The following AHNAK variants were observed in gnomAD, a reference collection of about 807,000 sequenced individuals.
The protein encoded by AHNAK is AHNAK nucleoprotein.
AHNAK carries 23 observed loss-of-function variants against 37.8 expected under a neutral mutation model. That is an observed-to-expected ratio of 0.61 (90% CI 0.44 to 0.86). The LOEUF is 0.86. Ranked by LOEUF, AHNAK falls within the 40% of genes least tolerant of loss-of-function variation. The pLI, the probability that AHNAK is intolerant of heterozygous loss-of-function variation, is 0.00. For synonymous variants in AHNAK, 2,481 were observed against 2,636.3 expected, an observed-to-expected ratio of 0.94 and a Z score of 1.80; for missense variants, 7,411 against 7,319.4, an observed-to-expected ratio of 1.01 and a Z score of -0.46.
rs770272422 is a variant in AHNAK at position 62,533,388 on chromosome 11, G to A, written c.1029C>T (p.Gly343=). The change falls in exon 5 of 5, where the codon GGC becomes GGT. Residue 343 remains glycine (G), a synonymous_variant. Coordinates refer to ENST00000378024, the MANE Select transcript of AHNAK (RefSeq NM_001620.3). Reference sequence around the variant, plus strand: ...GGGCTTGGATAGTCAAGCCTGGCTTGCCGCCCTTGTGCCCCACAGAGACTT... The same window carrying A: ...GGGCTTGGATAGTCAAGCCTGGCTTACCGCCCTTGTGCCCCACAGAGACTT... ...APEVSVGHKG[G]KPGLTIQAPQ... 6.3e-7 allele frequency: 1 copy of A among 1,593,428 alleles called. No individual in the cohort carries two copies.
chr11:62,534,180 T>C, intron 4 of AHNAK, 106 bp from the exon 5 acceptor site: 2 of 1,272,112 alleles, frequency 1.6e-6, no homozygotes, highest in Admixed American at 2.9e-5. Context: ...CCAGAGAAGC[T>C]GGGACCAAAA....
At chr11:62,453,918 C>T (rs754770587) in intron 5 of AHNAK, among the ~76,000 whole-genome samples, 1 of 151,796 alleles carries the variant, frequency 6.6e-6, no homozygotes, top group African/African-American at 2.4e-5. Flanking sequence ...AACAGCCTGA[C>T]CAACATGGTG....
chr11:62,536,176 T>G, intron 2 of AHNAK, 78 bp from the exon 3 acceptor site: 43 of 1,445,060 alleles, frequency 3.0e-5, no homozygotes, highest in Non-Finnish European at 3.4e-5. Flanking sequence ...TAGCAATCTC[T>G]GGCGCTGTGA....
At chr11:62,457,818 C>A (rs564072220) in intron 5 of AHNAK, among the ~76,000 whole-genome samples, 1 of 152,224 alleles carries the variant, frequency 6.6e-6, no homozygotes, top group East Asian at 1.9e-4. Flanking sequence ...CCGAAAACTA[C>A]CTACTGGTGG....
At position 62,524,035 on chromosome 11, in the gene AHNAK, G is replaced by A; in HGVS notation, c.10382C>T (p.Pro3461Leu). ...IKAPEVNLNA[P>L]DVDVHGPDWN... Reference sequence around the variant, plus strand: ...GTCTGGACCATGAACATCCACATCAGGTGCATTAAGATTGACTTCTGGTGC... The same window carrying A: ...GTCTGGACCATGAACATCCACATCAAGTGCATTAAGATTGACTTCTGGTGC... The change falls in exon 5 of 5, where the codon CCT (proline) becomes CTT (leucine). Residue 3461 changes from proline to leucine, a missense_variant. Transcript: ENST00000378024. The A allele has an allele frequency of 1.2e-6, 2 of 1,614,104 alleles. No homozygotes were observed. The highest frequency in any genetic ancestry group is 1.7e-6 in the Non-Finnish European group (2 of 1,180,028).
intron 5 of AHNAK, among the ~76,000 whole-genome samples, chr11:62,482,853 AT>A (rs1207194041): frequency 1.3e-5 from 2 of 152,174 alleles, no homozygotes; most frequent in Non-Finnish European, 2.9e-5. Flanking sequence ...TTATTCATGA[AT>A]GTAAAATATT....
chr11:62,483,462 C>T (rs898180750), intron 5 of AHNAK, among the ~76,000 whole-genome samples: 8 of 151,978 alleles, frequency 5.3e-5, no homozygotes, highest in African/African-American at 7.2e-5. Context: ...CGCGGTGGCT[C>T]GCGCCTGTAA....
rs149415164 is a variant in AHNAK, at chr11:62,534,015, C to T, written c.402G>A (p.Lys134=). The change falls in exon 5 of 5, where the codon AAG becomes AAA. Residue 134 remains lysine, a synonymous_variant. Coordinates refer to ENST00000378024, the MANE Select transcript of AHNAK (RefSeq NM_001620.3). ...GGTCTCCTTCCACTCCATCTTCCGA[C>T]TTCAGCCGTGGCTTGATCTTCGTGG... The part of the protein sequence containing the change: ...IYTTKIKPRL[K]SEDGVEGDLG... 6.3e-7 allele frequency: 1 copy of T among 1,588,266 alleles called. No homozygotes were observed. Among genetic ancestry groups the T allele is most frequent in the African/African-American group, 1.3e-5 (1 of 74,480 alleles).
intron 1 of AHNAK, chr11:62,542,051 G>A (rs1367557938): frequency 6.6e-6 from 1 of 152,322 alleles, no homozygotes; most frequent in African/African-American, 2.4e-5. Flanking sequence ...GGGCAGGTTA[G>A]GGAGGTGGAA....
chr11:62,485,965 G>C (rs1272463905), intron 5 of AHNAK, among the ~76,000 whole-genome samples: 3 of 148,058 alleles, frequency 2.0e-5, no homozygotes, highest in Non-Finnish European at 4.4e-5. Context: ...AGGTTGCAGT[G>C]AGCCGAGATT....
In AHNAK at chr11:62,532,026, T is replaced by C. The variant is rs756574307; in HGVS notation, c.2391A>G (p.Pro797=). 1 of 1,613,316 alleles carries C rather than the reference T, an allele frequency of 6.2e-7. No individual in the cohort carries two copies. Among genetic ancestry groups the C allele is most frequent in the South Asian group, 1.1e-5 (1 of 91,042 alleles). Residue 797 remains proline, a synonymous_variant, in exon 5 of 5, where the codon CCA becomes CCG. Transcript: ENST00000378024. The part of the protein sequence containing the change: ...VTAPDVSIEE[P]EGKLKGPKFK... Reference sequence around the variant, plus strand: ...ACTTGGGCCCTTTCAATTTCCCTTCTGGTTCCTCAATGCTCACATCAGGAG... The same window carrying C: ...ACTTGGGCCCTTTCAATTTCCCTTCCGGTTCCTCAATGCTCACATCAGGAG...
chr11:62,485,161 G>A (rs1345023006), intron 5 of AHNAK, among the ~76,000 whole-genome samples: 1 of 152,166 alleles, frequency 6.6e-6, no homozygotes, highest in Non-Finnish European at 1.5e-5. Flanking sequence ...CACTTTGAGA[G>A]GCCAAAGCGG....
Position 62,527,417 on chromosome 11 carries a change from C to T in AHNAK, c.7000G>A (p.Ala2334Thr). The change falls in exon 5 of 5, where the codon GCC (alanine) becomes ACC (threonine). Residue 2334 changes from alanine (A) to threonine (T), a missense_variant. Ala to Thr is a moderately conservative substitution (Grantham distance 58, BLOSUM62 0). Coordinates refer to ENST00000378024, the MANE Select transcript of AHNAK (RefSeq NM_001620.3). The stretch of plus-strand genomic sequence containing the variant: ...TTTAACTCTCCCTCCAGCTTTGGGG[C>T]AGAAACATCAACATCTCCTTTGATT... ...PKIKGDVDVS[A>T]PKLEGELKGP... 2 of 1,614,180 alleles carry T rather than the reference C, an allele frequency of 1.2e-6. No homozygotes were observed. Among genetic ancestry groups the T allele is most frequent in the Non-Finnish European group, 1.7e-6 (2 of 1,180,020 alleles).
At chr11:62,433,675 C>CT (rs777861588) in exon 6 of AHNAK, 2 of 629,886 alleles carry the variant, frequency 3.2e-6, no homozygotes, top group Non-Finnish European at 5.5e-6. Context: ...ATGCACCAAG[C>CT]AGGGCTTATG....
At chr11:62,458,257 A>G (rs189885982) in intron 5 of AHNAK, among the ~76,000 whole-genome samples, 1 of 152,254 alleles carries the variant, frequency 6.6e-6, no homozygotes, top group Admixed American at 6.5e-5. Flanking sequence ...GAAAGAAAAT[A>G]CTTAGTTCAT....
chr11:62,490,092 A>C (rs1939475274), intron 5 of AHNAK, among the ~76,000 whole-genome samples: 1 of 151,778 alleles, frequency 6.6e-6, no homozygotes, highest in African/African-American at 2.4e-5. Context: ...GATGAGGAAG[A>C]GGCGACAGGA....
chr11:62,470,112 G>A (rs1297404640), intron 5 of AHNAK, among the ~76,000 whole-genome samples: 2 of 151,838 alleles, frequency 1.3e-5, no homozygotes, highest in East Asian at 1.9e-4. Context: ...AGACCATCCT[G>A]GCCAACATAG....
chr11:62,456,368 G>T (rs1244932622), intron 5 of AHNAK, among the ~76,000 whole-genome samples: 1 of 152,236 alleles, frequency 6.6e-6, no homozygotes, highest in Non-Finnish European at 1.5e-5. Context: ...CAAGCACTGT[G>T]CTAGGCGGTC....
chr11:62,470,008 C>A (rs1938998530), intron 5 of AHNAK, among the ~76,000 whole-genome samples: 1 of 152,094 alleles, frequency 6.6e-6, no homozygotes, highest in Non-Finnish European at 1.5e-5. Flanking sequence ...CCCTAGCTAT[C>A]AAAACCACAA....
Sources: gnomAD v4.1 joint callset for allele counts (sites outside exome capture counted in the v4.1 genomes callset) on GRCh38, gnomAD v4.1.1 for gene constraint, MANE v1.5 for transcripts, NCBI Gene and HGNC (gene_info 2026-07-23, HGNC 2026-07-21) for gene names.